TAF4: variants seen among roughly 807,000 people sequenced by gnomAD.
TAF4 encodes the protein transcription initiation factor TFIID subunit 4.
A neutral mutation model predicts 90.3 loss-of-function variants in TAF4; 9 were observed. That is an observed-to-expected ratio of 0.10 (90% CI 0.06 to 0.17). The LOEUF is 0.17. Among genes scored for constraint, TAF4 ranks in the 10% least tolerant of loss-of-function variants. The probability of loss-of-function intolerance (pLI) is 1.00; values close to 1 mark genes in which losing one functional copy is unlikely to be tolerated. For synonymous variants in TAF4, 818 were observed against 638.9 expected (o/e 1.28, Z -4.23); for missense variants, 1,351 against 1,370.7 (o/e 0.99, Z 0.23).
rs6121881 is a variant in TAF4, at chr20:62,054,523, G to A, written c.1360+9928C>T. ...CAACAAATGCTACTCCACCACATAA[G>A]GCTCTCAGCAACGGCCACGCCATGT... On this transcript the variant is annotated intron_variant, in intron 1 of 14. Transcript: ENST00000252996. Among the ~76,000 whole-genome samples the A allele has an allele frequency of 9.9e-5, 15 of 152,250 alleles. No individual in the cohort carries two copies. In the East Asian group the frequency reaches 2.7e-3, roughly 27 times the overall value.
chr20:61,999,688 G>T (rs2055686457), intron 11 of TAF4, among the ~76,000 whole-genome samples: 1 of 152,220 alleles, frequency 6.6e-6, no homozygotes, highest in Non-Finnish European at 1.5e-5. Context: ...GCTCATGCCT[G>T]TAATCCCAGC....
chr20:61,988,961 G>A (rs1385315044), intron 14 of TAF4, among the ~76,000 whole-genome samples: 2 of 152,094 alleles, frequency 1.3e-5, no homozygotes, highest in Admixed American at 6.5e-5. Context: ...CCCTCCTGGC[G>A]CCGCGACCCC....
intron 1 of TAF4, among the ~76,000 whole-genome samples, chr20:62,044,078 C>T (rs2055979075): frequency 6.6e-6 from 1 of 152,194 alleles, no homozygotes; most frequent in South Asian, 2.1e-4. Flanking sequence ...CTAACTTGTG[C>T]TTATTATATG....
At position 62,006,310 on chromosome 20, in the gene TAF4, A is replaced by T; in HGVS notation, c.2223+200T>A. On this transcript the variant is annotated intron_variant, in intron 7 of 14. Transcript: ENST00000252996. This position sits in a 1 kb window ranked among gnomAD's most constrained non-coding sequence, Gnocchi z 7.0. ...AAAGCCAACTCAACTATTTCATTTT[A>T]CTGAGACAAAATACAACATCCCAGG... The T allele has an allele frequency of 1.4e-6, 1 of 716,008 alleles. No homozygotes were observed. The highest frequency in any genetic ancestry group is 1.9e-6 in the Non-Finnish European group (1 of 513,612). 44.4% of individuals were successfully genotyped at this position (716,008 alleles called of 1,614,324 possible). A position where few individuals can be genotyped will look rare whatever the true frequency, so the allele number is the denominator to read the frequency against.
chr20:61,999,574 C>T (rs920405673), intron 11 of TAF4, among the ~76,000 whole-genome samples: 1 of 152,208 alleles, frequency 6.6e-6, no homozygotes, highest in Non-Finnish European at 1.5e-5. Flanking sequence ...GGAAGAGCTG[C>T]TTCATGAGAA....
At chr20:62,024,567 C>T (rs1261940751) in intron 1 of TAF4, among the ~76,000 whole-genome samples, 3 of 152,156 alleles carry the variant, frequency 2.0e-5, no homozygotes, top group African/African-American at 7.2e-5. Context: ...ATCCTCAAAA[C>T]TCAGTAAGAA....
At chr20:62,050,586 C>G (rs1300565472) in intron 1 of TAF4, among the ~76,000 whole-genome samples, 2 of 152,066 alleles carry the variant, frequency 1.3e-5, no homozygotes, top group African/African-American at 4.8e-5. Context: ...GGTCAAAGCC[C>G]CAATAAAAAG....
intron 9 of TAF4, among the ~76,000 whole-genome samples, chr20:62,002,462 AC>A (rs1439458352): frequency 1.3e-5 from 2 of 152,174 alleles, no homozygotes; most frequent in Non-Finnish European, 2.9e-5. Context: ...TGCTCAGACC[AC>A]CTGCTTTCCA....
At chr20:61,988,706 C>A (rs962202271) in intron 14 of TAF4, among the ~76,000 whole-genome samples, 1 of 151,794 alleles carries the variant, frequency 6.6e-6, no homozygotes, top group Non-Finnish European at 1.5e-5. Flanking sequence ...AAAAGGCAAG[C>A]GAAACAACTG....
chr20:61,992,313 G>C (rs996397515), intron 14 of TAF4, among the ~76,000 whole-genome samples: 1 of 152,130 alleles, frequency 6.6e-6, no homozygotes, highest in African/African-American at 2.4e-5. Context: ...AACAACTTTC[G>C]GCTGTTTTCA....
chr20:62,060,892 T>A (rs1207690184), intron 1 of TAF4, among the ~76,000 whole-genome samples: 1 of 152,126 alleles, frequency 6.6e-6, no homozygotes, highest in African/African-American at 2.4e-5. Flanking sequence ...CAGTCTGGAT[T>A]AATGTGTGAA....
chr20:62,026,320 G>A (rs928204257), intron 1 of TAF4, among the ~76,000 whole-genome samples: 1 of 152,112 alleles, frequency 6.6e-6, no homozygotes, highest in African/African-American at 2.4e-5. Flanking sequence ...TGCTGTCGAT[G>A]GCACCCCAAG....
intron 1 of TAF4, among the ~76,000 whole-genome samples, chr20:62,047,326 G>T: frequency 6.6e-6 from 1 of 152,060 alleles, no homozygotes; most frequent in East Asian, 1.9e-4. Flanking sequence ...AGCCTGCACT[G>T]ACACCCCTGA....
intron 14 of TAF4, among the ~76,000 whole-genome samples, chr20:61,992,976 A>AACT (rs1371824914): frequency 6.6e-6 from 1 of 152,086 alleles, no homozygotes; most frequent in Non-Finnish European, 1.5e-5. Flanking sequence ...TAAAACGTAA[A>AACT]ACTACTGGTC....
intron 1 of TAF4, among the ~76,000 whole-genome samples, chr20:62,022,584 G>T (rs1163269437): frequency 6.6e-6 from 1 of 152,206 alleles, no homozygotes; most frequent in East Asian, 1.9e-4. Context: ...GATGTGGAAA[G>T]GGCCCCTCCA....
At chr20:62,000,470 T>C in intron 10 of TAF4, 82 bp downstream of exon 10, 3 of 1,456,496 alleles carry the variant, frequency 2.1e-6, no homozygotes, top group Non-Finnish European at 2.8e-6. Flanking sequence ...CATGACCAGG[T>C]GTCAGGTGTG....
At chr20:61,996,525 G>T (rs2055663633) in intron 14 of TAF4, among the ~76,000 whole-genome samples, 1 of 152,104 alleles carries the variant, frequency 6.6e-6, no homozygotes, top group South Asian at 2.1e-4. Flanking sequence ...TGAAGGCCAG[G>T]CGTGGTGGCT....
At chr20:62,049,921 G>C (rs1188531359) in intron 1 of TAF4, among the ~76,000 whole-genome samples, 1 of 152,104 alleles carries the variant, frequency 6.6e-6, no homozygotes, top group East Asian at 1.9e-4. Flanking sequence ...GGAGCAAAGT[G>C]ACTGCTTCAG....
intron 1 of TAF4, among the ~76,000 whole-genome samples, chr20:62,029,929 A>G (rs1324865070): frequency 6.6e-6 from 1 of 152,176 alleles, no homozygotes; most frequent in Non-Finnish European, 1.5e-5. Context: ...AAAGAATGGC[A>G]GGCACAGGTA....
Sources: allele counts gnomAD v4.1 joint callset (sites outside exome capture counted in the v4.1 genomes callset), GRCh38; gene constraint gnomAD v4.1.1; non-coding constraint Gnocchi (gnomAD v3.1); transcripts MANE v1.5; gene names NCBI Gene and HGNC (gene_info 2026-07-23, HGNC 2026-07-21).